LYN: variants seen among roughly 807,000 people sequenced by gnomAD.
LYN encodes tyrosine-protein kinase Lyn.
In LYN, 12 loss-of-function variants were observed where a neutral mutation model predicts 65.0. The observed-to-expected ratio is 0.18, with a 90% confidence interval of 0.12 to 0.30. LYN has a LOEUF of 0.30. LYN is among the 10% of genes least tolerant of loss of function. The probability of loss-of-function intolerance (pLI) is 1.00; values close to 1 mark genes in which losing one functional copy is unlikely to be tolerated. For synonymous variants in LYN, 222 were observed against 221.2 expected, an observed-to-expected ratio of 1.00 and a Z score of -0.03; for missense variants, 380 against 623.2, an observed-to-expected ratio of 0.61 and a Z score of 4.16.
intron 1 of LYN, among the ~76,000 whole-genome samples, chr8:55,933,205 A>G (rs2130455345): frequency 6.6e-6 from 1 of 152,398 alleles, no homozygotes; most frequent in East Asian, 1.9e-4. Flanking sequence ...TTAAGCTGTT[A>G]AAACTATCCC....
At position 55,919,022 on chromosome 8, in the gene LYN, CAAAAAA is replaced by C. The variant is rs35663372; in HGVS notation, c.-5-22814_-5-22809del. Among the ~76,000 whole-genome samples the C allele has an allele frequency of 1.2e-3, 76 of 62,746 alleles. 1 individual carries two copies. In the East Asian group the frequency reaches 0.039, roughly 32 times the overall value. The allele number at this position is 62,746 out of a possible 152,430, so 41.2% of individuals were successfully genotyped here. Reference sequence around the variant, plus strand: ...GAGACCATGGGAGACCCTGTCTCTACAAAAAAAAAAAAAAAAAAAAAAAAGTGATAG... The same window carrying C: ...GAGACCATGGGAGACCCTGTCTCTACAAAAAAAAAAAAAAAAAAGTGATAG... On this transcript the variant is annotated intron_variant, in intron 1 of 12. Transcript: ENST00000519728.
chr8:55,960,609 T>C (rs1304750751), intron 8 of LYN, among the ~76,000 whole-genome samples: 1 of 152,260 alleles, frequency 6.6e-6, no homozygotes, highest in Non-Finnish European at 1.5e-5. Flanking sequence ...CTCCCAATTT[T>C]GAGCTGCTAG....
At chr8:55,911,283 A>ATTT (rs1218878355) in intron 1 of LYN, among the ~76,000 whole-genome samples, 1 of 45,366 alleles carries the variant, frequency 2.2e-5, no homozygotes, top group Non-Finnish European at 3.8e-5. Flanking sequence ...ATATATATAT[A>ATTT]TATTTTTTTT....
intron 12 of LYN, among the ~76,000 whole-genome samples, chr8:56,001,546 C>T (rs545380103): frequency 6.6e-5 from 10 of 152,214 alleles, no homozygotes; most frequent in Non-Finnish European, 1.3e-4. Flanking sequence ...GCACAGTGGA[C>T]CGGCTGTCCC....
chr8:55,895,164 G>A (rs1484758007), intron 1 of LYN, among the ~76,000 whole-genome samples: 1 of 151,988 alleles, frequency 6.6e-6, no homozygotes, highest in Admixed American at 6.6e-5. Flanking sequence ...CTGATGCTTG[G>A]CATCTCTGCG....
intron 10 of LYN, among the ~76,000 whole-genome samples, chr8:55,997,536 A>G (rs1222304957): frequency 6.6e-6 from 1 of 152,070 alleles, no homozygotes; most frequent in Non-Finnish European, 1.5e-5. Flanking sequence ...GGTCTCTTTT[A>G]CAAGGGCACT....
Position 55,953,061 on chromosome 8 carries a change from G to A in LYN, c.638-771G>A, listed in dbSNP as rs140382586. Among the ~76,000 whole-genome samples, 1,053 of 152,274 alleles carry A rather than the reference G, an allele frequency of 6.9e-3. 5 individuals carry two copies. The highest frequency in any genetic ancestry group is 0.011 in the Non-Finnish European group (758 of 68,026). ...AACACGGAGAGAGCAACGTGCTTCC[G>A]ATTTTGTAGATTCTTGCCTTCCTCC... On this transcript the variant is annotated intron_variant, in intron 7 of 12. Coordinates refer to ENST00000519728, the MANE Select transcript of LYN (RefSeq NM_002350.4).
intron 1 of LYN, among the ~76,000 whole-genome samples, chr8:55,918,895 G>A (rs1292587908): frequency 6.6e-6 from 1 of 152,066 alleles, no homozygotes; most frequent in Non-Finnish European, 1.5e-5. Flanking sequence ...CCCAGGGGAG[G>A]TGGACTTCAG....
In LYN at chr8:55,969,823, G is replaced by A. The variant is rs141691984; in HGVS notation, c.1050+30G>A. ...CATATTCAAAAAGCCCCGTGTGCAC[G>A]TGCATTTGCAAAGACTTCCCTGCGT... On this transcript the variant is annotated intron_variant, in intron 10 of 12. Transcript: ENST00000519728. 1,493 of 1,591,300 alleles carry A rather than the reference G, an allele frequency of 9.4e-4. 12 individuals are homozygous for A. The African/African-American group carries it at 0.016, about 17-fold the overall frequency.
chr8:55,989,018 A>G (rs1808163509), intron 10 of LYN, among the ~76,000 whole-genome samples: 1 of 152,246 alleles, frequency 6.6e-6, no homozygotes, highest in Non-Finnish European at 1.5e-5. Context: ...GGTCATCCAC[A>G]GAACACTTCA....
intron 10 of LYN, among the ~76,000 whole-genome samples, chr8:55,996,982 G>T: frequency 6.6e-6 from 1 of 151,980 alleles, no homozygotes; most frequent in Non-Finnish European, 1.5e-5. Context: ...CTAGCATGGT[G>T]AAACCCCGTC....
At chr8:55,964,286 A>G (rs903382339) in intron 8 of LYN, among the ~76,000 whole-genome samples, 8 of 151,358 alleles carry the variant, frequency 5.3e-5, no homozygotes, top group Admixed American at 2.6e-4. Context: ...TTAGTCTTGA[A>G]CTCCTGGGCT....
At position 55,999,772 on chromosome 8, in the gene LYN, G is replaced by C. The variant is rs184926837; in HGVS notation, c.1336+223G>C. Among the ~76,000 whole-genome samples the C allele has an allele frequency of 5.0e-3, 755 of 152,252 alleles. 9 individuals carry two copies. The highest frequency in any genetic ancestry group is 0.017 in the African/African-American group (709 of 41,558). On this transcript the variant is annotated intron_variant, in intron 12 of 12. Transcript: ENST00000519728. ...GGATCACCTGAGGTCGGGAGTTGGA[G>C]ACCAGACTGACCAACATGGAGAAAC... is the stretch of plus-strand genomic sequence containing the variant.
At chr8:55,948,731 GGAC>G (rs1417701370) in intron 4 of LYN, among the ~76,000 whole-genome samples, 1 of 152,176 alleles carries the variant, frequency 6.6e-6, no homozygotes, top group Non-Finnish European at 1.5e-5. Context: ...GGTTGAACAG[GGAC>G]TTAAGCCTGA....
intron 1 of LYN, among the ~76,000 whole-genome samples, chr8:55,880,873 TG>T (rs1250941901): frequency 6.6e-6 from 1 of 152,218 alleles, no homozygotes; most frequent in Non-Finnish European, 1.5e-5. Flanking sequence ...TGGCATCTTT[TG>T]CTTGCGGTGC....
intron 12 of LYN, among the ~76,000 whole-genome samples, 161 bp downstream of exon 12, chr8:55,999,710 G>A (rs913399473): frequency 6.6e-6 from 1 of 152,204 alleles, no homozygotes; most frequent in African/African-American, 2.4e-5. Context: ...GGTGGCTCAC[G>A]CCTGTAATCC....
At chr8:56,001,377 C>T (rs753922290) in intron 12 of LYN, among the ~76,000 whole-genome samples, 1 of 152,210 alleles carries the variant, frequency 6.6e-6, no homozygotes, top group African/African-American at 2.4e-5. Flanking sequence ...AAGAGCAGCC[C>T]CTCTTACTCT....
intron 1 of LYN, among the ~76,000 whole-genome samples, chr8:55,892,434 A>T (rs1804985636): frequency 6.6e-6 from 1 of 152,036 alleles, no homozygotes; most frequent in Admixed American, 6.6e-5. Context: ...AAATAAATAC[A>T]TAAAAAAGTT....
intron 1 of LYN, among the ~76,000 whole-genome samples, chr8:55,912,033 T>C (rs1430524890): frequency 6.6e-6 from 1 of 152,160 alleles, no homozygotes; most frequent in Non-Finnish European, 1.5e-5. Flanking sequence ...TTCTCCCATC[T>C]AGTGTTTCCC....
Sources: allele counts gnomAD v4.1 joint callset (sites outside exome capture counted in the v4.1 genomes callset), GRCh38; gene constraint gnomAD v4.1.1; transcripts MANE v1.5; gene names NCBI Gene and HGNC (gene_info 2026-07-23, HGNC 2026-07-21).